The following RP1 variants were observed in gnomAD, a reference collection of about 807,000 sequenced individuals.
RP1 encodes oxygen-regulated protein 1.
In RP1, 16 loss-of-function variants were observed where a neutral mutation model predicts 14.8. The ratio of observed to expected loss-of-function variants is 1.08; its 90% CI spans 0.73 to 1.65. RP1 has a LOEUF of 1.65. Ranked by LOEUF, RP1 falls within the 40% of genes most tolerant of loss-of-function variation. The probability of loss-of-function intolerance (pLI) is 0.00; values close to 1 mark genes in which losing one functional copy is unlikely to be tolerated. For missense variants in RP1, 2,631 were observed against 2,535.0 expected (o/e 1.04, Z -0.81); for synonymous variants, 876 against 883.6 (o/e 0.99, Z 0.15).
At chr8:54,573,640 C>T (rs908165126) in intron 1 of RP1, among the ~76,000 whole-genome samples, 1 of 152,046 alleles carries the variant, frequency 6.6e-6, no homozygotes, top group Non-Finnish European at 1.5e-5. Context: ...TACAAGAAGT[C>T]CCACTCAACA....
chr8:54,775,296 C>G (rs565516885), intron 23 of RP1, among the ~76,000 whole-genome samples: 1 of 152,270 alleles, frequency 6.6e-6, no homozygotes, highest in African/African-American at 2.4e-5. Context: ...AAGGTGGAAT[C>G]AACTTGGGCA....
chr8:54,769,569 A>G (rs1009332157), intron 22 of RP1, among the ~76,000 whole-genome samples: 2 of 152,224 alleles, frequency 1.3e-5, no homozygotes, highest in African/African-American at 4.8e-5. Flanking sequence ...GCTATGATGA[A>G]TGTGTAATAG....
intron 27 of RP1, among the ~76,000 whole-genome samples, chr8:54,861,650 T>G (rs563369827): frequency 1.3e-5 from 2 of 152,290 alleles, no homozygotes; most frequent in African/African-American, 4.8e-5. Context: ...TTGCCCAGGC[T>G]GGAGTACAGT....
chr8:54,708,902 A>C (rs1016463286), intron 15 of RP1, among the ~76,000 whole-genome samples: 6 of 152,144 alleles, frequency 3.9e-5, no homozygotes, highest in African/African-American at 1.4e-4. Context: ...CTTGGCATTC[A>C]ATTGAAAGAA....
chr8:54,620,903 A>G, intron 1 of RP1, 52 bp from the exon 2 acceptor site: 1 of 1,525,720 alleles, frequency 6.6e-7, no homozygotes, highest in Non-Finnish European at 9.1e-7. Flanking sequence ...TAGTATTACC[A>G]TGTATTCGCT....
intron 15 of RP1, among the ~76,000 whole-genome samples, chr8:54,713,586 A>C (rs1043323311): frequency 6.6e-6 from 1 of 152,188 alleles, no homozygotes; most frequent in Non-Finnish European, 1.5e-5. Flanking sequence ...CTTCATTCAA[A>C]GTATATTCTA....
At chr8:54,604,921 T>C (rs1432459231) in intron 1 of RP1, among the ~76,000 whole-genome samples, 1 of 152,210 alleles carries the variant, frequency 6.6e-6, no homozygotes, top group African/African-American at 2.4e-5. Context: ...TATTTGATTC[T>C]TCTCTCTTTT....
rs1806118007 is a variant in RP1 at position 54,627,925 on chromosome 8, A to G, written c.4043A>G (p.Lys1348Arg). Reference protein sequence around the residue: ...VCNTIDFLNSKENTYTDNLDS... With the variant: ...VCNTIDFLNSRENTYTDNLDS... ...AATACCATTGACTTTTTAAACTCCA[A>G]AGAAAACACATATACTGATAACTTG... The change falls in exon 4 of 4, where the codon AAA (lysine) becomes AGA (arginine). Residue 1348 changes from lysine (K) to arginine (R), a missense_variant. Transcript: ENST00000220676. 1.2e-6 allele frequency: 2 copies of G among 1,614,006 alleles called. No homozygotes were observed. Among genetic ancestry groups the G allele is most frequent in the South Asian group, 1.1e-5 (1 of 91,080 alleles).
chr8:54,602,407 G>A (rs1223297595), intron 1 of RP1, among the ~76,000 whole-genome samples: 2 of 152,214 alleles, frequency 1.3e-5, no homozygotes, highest in African/African-American at 4.8e-5. Flanking sequence ...AGGTGTATAT[G>A]TGCCACATTT....
At chr8:54,870,407 A>C (rs530821470) in exon 29 of RP1, 1 of 152,456 alleles carries the variant, frequency 6.6e-6, no homozygotes, top group East Asian at 1.9e-4. Context: ...TTAAAGTGGA[A>C]GTTTTATTGT....
At chr8:54,699,526 A>T (rs1289160129) in exon 13 of RP1, 2 of 1,412,704 alleles carry the variant, frequency 1.4e-6, no homozygotes, top group Admixed American at 4.3e-5. Flanking sequence ...TCATGAGATG[A>T]GGCATCTTTC....
intron 3 of RP1, chr8:54,648,970 T>C: frequency 6.7e-7 from 1 of 1,486,708 alleles, no homozygotes; most frequent in Non-Finnish European, 8.9e-7. Flanking sequence ...CTGTATGTTA[T>C]TTTTTCTTTT....
intron 1 of RP1, among the ~76,000 whole-genome samples, chr8:54,597,472 T>C (rs1209588979): frequency 9.2e-5 from 14 of 152,180 alleles, no homozygotes; most frequent in Non-Finnish European, 1.5e-5. Context: ...TTATATGTTT[T>C]AGAAATGGGA....
exon 4 of RP1, chr8:54,649,108 A>G (rs750364446): frequency 2.0e-6 from 3 of 1,516,290 alleles, no homozygotes; most frequent in African/African-American, 1.4e-5. Flanking sequence ...TATGGAACAG[A>G]TGGGGCTCGA....
chr8:54,835,389 T>C (rs527946712), intron 24 of RP1, among the ~76,000 whole-genome samples: 1 of 152,296 alleles, frequency 6.6e-6, no homozygotes, highest in East Asian at 1.9e-4. Context: ...TTAGTTGCTA[T>C]GCCATGACAC....
intron 24 of RP1, among the ~76,000 whole-genome samples, chr8:54,823,978 T>G (rs1006958269): frequency 2.0e-5 from 3 of 152,226 alleles, no homozygotes; most frequent in Non-Finnish European, 4.4e-5. Context: ...ATTTTAGCTA[T>G]CCTAATAAAG....
rs142865881 is a variant in RP1, at chr8:54,657,568, T to C, written c.1171+1353T>C. Among the ~76,000 whole-genome samples the C allele has an allele frequency of 2.1e-3, 315 of 152,342 alleles. 1 individual carries two copies. The highest frequency in any genetic ancestry group is 7.0e-3 in the African/African-American group (292 of 41,580). The stretch of plus-strand genomic sequence containing the variant: ...TATCTAATATTCTAGCTAAGATTGA[T>C]GCTGTGTCTGAAATGATATCATTAC... On this transcript the variant is annotated intron_variant, in intron 6 of 22. Transcript: ENST00000636932.
chr8:54,759,761 A>C lies in RP1; in HGVS notation c.3248+685A>C, dbSNP rs559714791. On this transcript the variant is annotated intron_variant, in intron 22 of 22. Coordinates refer to the RP1 transcript ENST00000636932. ...AATGCTTAGCTTCGGCTAGATGGGCAATCATGTTTATTGTTGCTTGGTCTC... is the reference window on the plus strand; with the variant it reads ...AATGCTTAGCTTCGGCTAGATGGGCCATCATGTTTATTGTTGCTTGGTCTC... Among the ~76,000 whole-genome samples, 439 of 152,260 alleles carry C rather than the reference A, an allele frequency of 2.9e-3. 1 individual carries two copies. Among genetic ancestry groups the C allele is most frequent in the Non-Finnish European group, 5.2e-3 (355 of 68,012 alleles).
intron 27 of RP1, among the ~76,000 whole-genome samples, chr8:54,864,876 G>A (rs1033736213): frequency 1.3e-5 from 2 of 152,078 alleles, no homozygotes; most frequent in African/African-American, 4.8e-5. Flanking sequence ...CCAGCTTCTG[G>A]ATTTTCATGT....
Sources: gnomAD v4.1 joint callset for allele counts (sites outside exome capture counted in the v4.1 genomes callset) on GRCh38, gnomAD v4.1.1 for gene constraint, MANE v1.5 for transcripts, NCBI Gene and HGNC (gene_info 2026-07-23, HGNC 2026-07-21) for gene names.